The following ARHGAP25 variants were observed in gnomAD, a reference collection of about 807,000 sequenced individuals.
ARHGAP25 encodes the protein rho GTPase-activating protein 25.
ARHGAP25 carries 34 observed loss-of-function variants against 71.0 expected under a neutral mutation model. That is an observed-to-expected ratio of 0.48 (90% confidence interval 0.36 to 0.64). The LOEUF (loss-of-function observed/expected upper bound fraction) is 0.64. Among genes scored for constraint, ARHGAP25 ranks in the 30% least tolerant of loss-of-function variants. The pLI is 0.00. For missense variants in ARHGAP25, 706 were observed against 805.1 expected (o/e 0.88, Z 1.49); for synonymous variants, 282 against 296.5 (o/e 0.95, Z 0.50).
intron 4 of ARHGAP25, among the ~76,000 whole-genome samples, chr2:68,791,744 G>A (rs943881845): frequency 2.6e-5 from 4 of 152,098 alleles, no homozygotes; most frequent in African/African-American, 9.7e-5. Context: ...CTTCTGGCTT[G>A]CCGTCCCCTT....
intron 10 of ARHGAP25, among the ~76,000 whole-genome samples, chr2:68,824,142 T>C (rs1001456858): frequency 2.0e-5 from 3 of 152,200 alleles, no homozygotes; most frequent in Non-Finnish European, 4.4e-5. Context: ...AACCAATCAT[T>C]TGTAGAATTA....
chr2:68,744,287 C>G (rs1011020073), intron 1 of ARHGAP25, among the ~76,000 whole-genome samples: 1 of 152,166 alleles, frequency 6.6e-6, no homozygotes, highest in Non-Finnish European at 1.5e-5. Context: ...CTCTCCCTCC[C>G]CATTACCAGG....
intron 2 of ARHGAP25, 174 bp downstream of exon 2, chr2:68,775,594 A>G (rs1248121803): frequency 4.9e-6 from 5 of 1,029,426 alleles, no homozygotes; most frequent in South Asian, 4.1e-5. Context: ...TGAGTTGCAA[A>G]GATGACAGAG....
intron 4 of ARHGAP25, among the ~76,000 whole-genome samples, chr2:68,790,441 C>T (rs1236349570): frequency 1.3e-5 from 2 of 152,198 alleles, no homozygotes; most frequent in East Asian, 1.9e-4. Flanking sequence ...GGACAAATGA[C>T]GTGTCCCGTG....
upstream of ARHGAP25, among the ~76,000 whole-genome samples, chr2:68,731,664 C>T (rs1201506962): frequency 2.6e-5 from 4 of 152,088 alleles, no homozygotes; most frequent in Admixed American, 6.5e-5. Flanking sequence ...TTCTTCTCTC[C>T]GTGCCTCATT....
At chr2:68,751,392 G>C (rs1362182108) in intron 1 of ARHGAP25, among the ~76,000 whole-genome samples, 1 of 152,220 alleles carries the variant, frequency 6.6e-6, no homozygotes, top group Admixed American at 6.5e-5. Flanking sequence ...CTAAGGTGGA[G>C]ATACATAGCA....
At chr2:68,773,875 T>G (rs1422190748) in intron 1 of ARHGAP25, among the ~76,000 whole-genome samples, 5 of 152,166 alleles carry the variant, frequency 3.3e-5, no homozygotes. Flanking sequence ...GCTAAGTGGT[T>G]TGCGTATGTT....
chr2:68,798,613 C>A (rs1477168795), intron 4 of ARHGAP25, among the ~76,000 whole-genome samples: 1 of 151,824 alleles, frequency 6.6e-6, no homozygotes, highest in Non-Finnish European at 1.5e-5. Context: ...AACATAGTTA[C>A]AACTGTGAAA....
chr2:68,782,960 G>T (rs377550282), intron 3 of ARHGAP25, among the ~76,000 whole-genome samples: 1 of 152,190 alleles, frequency 6.6e-6, no homozygotes, highest in East Asian at 1.9e-4. Flanking sequence ...CCTGCCAGGG[G>T]CTCCAGGACT....
At position 68,792,139 on chromosome 2, in the gene ARHGAP25, C is replaced by A. The variant is rs535553197; in HGVS notation, c.466+4183C>A. Among the ~76,000 whole-genome samples the A allele has an allele frequency of 2.0e-5, 3 of 152,296 alleles. No homozygotes were observed. In the South Asian group the frequency reaches 6.2e-4, roughly 32 times the overall value. On this transcript the variant is annotated intron_variant, in intron 4 of 10. Transcript: ENST00000409202. ...CAGACCTGCTTTTGTCCTCTTCCTC[C>A]AGAGATGAGCCATCTGAAGTTTTGC...
intron 2 of ARHGAP25, among the ~76,000 whole-genome samples, chr2:68,711,500 T>C (rs552345231): frequency 1.1e-4 from 16 of 152,304 alleles, no homozygotes; most frequent in Admixed American, 8.5e-4. Context: ...TTAAGCTCCA[T>C]TCACAACCTC....
chr2:68,754,010 C>G (rs1001972115), intron 1 of ARHGAP25, among the ~76,000 whole-genome samples: 2 of 151,338 alleles, frequency 1.3e-5, no homozygotes, highest in Admixed American at 1.3e-4. Flanking sequence ...TCACGCCATT[C>G]TCCTGCCTCA....
rs1396863740 is a variant in ARHGAP25 at position 68,741,094 on chromosome 2, G to A, written c.61+5834G>A. On this transcript the variant is annotated intron_variant, in intron 1 of 10. Coordinates refer to ENST00000409202, the MANE Select transcript of ARHGAP25 (RefSeq NM_001007231.3). ...AAACATCTCTTTCCTTTCTTTATAG[G>A]CAGTCTCATTTCCAACCTCAGATCA... is the stretch of plus-strand genomic sequence containing the variant. Among the ~76,000 whole-genome samples, 4 of 152,164 alleles carry A rather than the reference G, an allele frequency of 2.6e-5. No homozygotes were observed. The East Asian group carries it at 7.7e-4, about 29-fold the overall frequency.
chr2:68,824,739 CT>C (rs1182800891), intron 10 of ARHGAP25, among the ~76,000 whole-genome samples: 3 of 148,620 alleles, frequency 2.0e-5, no homozygotes, highest in African/African-American at 7.3e-5. Context: ...GAGACTCCGT[CT>C]CAAAAAAAAC....
intron 1 of ARHGAP25, among the ~76,000 whole-genome samples, chr2:68,756,203 TG>T (rs2104329549): frequency 6.6e-6 from 1 of 152,358 alleles, no homozygotes; most frequent in Non-Finnish European, 1.5e-5. Context: ...CCTAGCCCTG[TG>T]GCAGGCTTTC....
At chr2:68,805,982 T>C (rs1039063001) in intron 4 of ARHGAP25, among the ~76,000 whole-genome samples, 3 of 152,318 alleles carry the variant, frequency 2.0e-5, no homozygotes, top group Admixed American at 6.5e-5. Flanking sequence ...TGTCCTGATT[T>C]GTAAATTTGT....
In ARHGAP25 at chr2:68,724,319, A is replaced by G. The variant is rs532550408; in HGVS notation, c.-18+13621A>G. Among the ~76,000 whole-genome samples the G allele has an allele frequency of 5.9e-5, 9 of 152,156 alleles. No homozygotes were observed. The South Asian group carries it at 1.9e-3, about 32-fold the overall frequency. On this transcript the variant is annotated intron_variant and NMD_transcript_variant, in intron 2 of 7. Coordinates refer to the ARHGAP25 transcript ENST00000463483. ...GCTGACATTTTCCCCCAACTCTCTAAACATCTGGTCTCTAAGCTTAGACTA... is the reference window on the plus strand; with the variant it reads ...GCTGACATTTTCCCCCAACTCTCTAGACATCTGGTCTCTAAGCTTAGACTA...
intron 2 of ARHGAP25, among the ~76,000 whole-genome samples, chr2:68,711,027 T>C (rs1294602284): frequency 6.6e-6 from 1 of 152,200 alleles, no homozygotes; most frequent in Non-Finnish European, 1.5e-5. Flanking sequence ...AAACTTGAAC[T>C]TGGCCTTTTA....
rs1401794478 is a variant in ARHGAP25, at chr2:68,818,008, C to T, written c.1003+14C>T. 5.6e-6 allele frequency: 9 copies of T among 1,613,600 alleles called. No homozygotes were observed. The highest frequency in any genetic ancestry group is 1.3e-5 in the African/African-American group (1 of 74,914). On this transcript the variant is annotated intron_variant, in intron 8 of 10. Transcript: ENST00000409202. The stretch of plus-strand genomic sequence containing the variant: ...TGATCATGAGAGGTATGGCTGGTCC[C>T]GTAGTGAAAGCAGGTACCCAGGAAA...
Sources: allele counts gnomAD v4.1 joint callset (sites outside exome capture counted in the v4.1 genomes callset), GRCh38; gene constraint gnomAD v4.1.1; transcripts MANE v1.5; gene names NCBI Gene and HGNC (gene_info 2026-07-23, HGNC 2026-07-21).